The following RHOT1 variants were observed in gnomAD, a reference collection of about 807,000 sequenced individuals.
The protein encoded by RHOT1 is mitochondrial Rho GTPase 1.
A neutral mutation model predicts 95.3 loss-of-function variants in RHOT1; 27 were observed. The ratio of observed to expected loss-of-function variants is 0.28; its 90% CI spans 0.21 to 0.39. The LOEUF (loss-of-function observed/expected upper bound fraction) is 0.39, where lower values mean the gene tolerates loss of function less well. Among genes scored for constraint, RHOT1 ranks in the 10% least tolerant of loss-of-function variants. The probability of loss-of-function intolerance (pLI) is 1.00; values close to 1 mark genes in which losing one functional copy is unlikely to be tolerated. For synonymous variants in RHOT1, 227 were observed against 263.5 expected (o/e 0.86, Z 1.34); for missense variants, 578 against 786.7 (o/e 0.73, Z 3.17).
chr17:32,193,889 G>C, intron 10 of RHOT1, 98 bp from the exon 11 acceptor site: 1 of 1,404,386 alleles, frequency 7.1e-7, no homozygotes, highest in Non-Finnish European at 9.7e-7. Context: ...TGCAAAGCTA[G>C]CATCCGTATG....
chr17:32,207,012 T>C lies in RHOT1; in HGVS notation c.1519T>C (p.Cys507Arg). The C allele has an allele frequency of 6.2e-7, 1 of 1,610,422 alleles. No homozygotes were observed. ...CAGCAATCCCAAATCCTTTGAATAC[T>C]GTGCCAGGATTTTTAAGGTTTGTTG... The part of the protein sequence containing the change: ...DVSNPKSFEY[C>R]ARIFKQHFMD... Residue 507 changes from cysteine (C) to arginine (R), a missense_variant, in exon 17 of 20, where the codon TGT (cysteine) becomes CGT (arginine). This residue lies in a region of RHOT1 where 296 missense variants were observed against 338.5 expected (regional missense o/e 0.87). Coordinates refer to ENST00000545287, the MANE Select transcript of RHOT1 (RefSeq NM_001033566.3).
At chr17:32,178,559 G>A (rs900904685) in intron 6 of RHOT1, among the ~76,000 whole-genome samples, 2 of 152,088 alleles carry the variant, frequency 1.3e-5, no homozygotes, top group Admixed American at 6.6e-5. Flanking sequence ...CCTCCCAGCC[G>A]CCTGCCTTGG....
At chr17:32,192,416 CT>C in intron 9 of RHOT1, 117 bp downstream of exon 9, 1 of 635,304 alleles carries the variant, frequency 1.6e-6, no homozygotes, top group Non-Finnish European at 2.7e-6. Context: ...ACATAAGTTT[CT>C]TTCTCATAAA....
chr17:32,142,751 G>A (rs769433224), intron 1 of RHOT1, 22 bp downstream of exon 1: 1 of 1,498,060 alleles, frequency 6.7e-7, no homozygotes, highest in South Asian at 1.3e-5. Flanking sequence ...CCCTCTGGCC[G>A]GCCCCTGAGT....
At chr17:32,178,466 G>A (rs927315008) in intron 6 of RHOT1, among the ~76,000 whole-genome samples, 17 of 152,230 alleles carry the variant, frequency 1.1e-4, no homozygotes, top group African/African-American at 4.1e-4. Context: ...TGCTGGGATT[G>A]CAGACGGAGT....
chr17:32,158,573 C>T (rs1039268628), intron 1 of RHOT1, among the ~76,000 whole-genome samples: 1 of 152,092 alleles, frequency 6.6e-6, no homozygotes, highest in African/African-American at 2.4e-5. Context: ...GATTCTCCTG[C>T]CGCAGCCTCC....
chr17:32,147,725 C>T (rs1020326840), intron 1 of RHOT1, among the ~76,000 whole-genome samples: 8 of 151,414 alleles, frequency 5.3e-5, no homozygotes, highest in African/African-American at 1.9e-4. Context: ...GAGGCTGAGG[C>T]AGGAGAATCA....
At chr17:32,165,738 A>T (rs1319503861) in intron 1 of RHOT1, among the ~76,000 whole-genome samples, 1 of 152,172 alleles carries the variant, frequency 6.6e-6, no homozygotes, top group Non-Finnish European at 1.5e-5. Context: ...ATAATGACAA[A>T]CCATAAAATA....
intron 1 of RHOT1, among the ~76,000 whole-genome samples, chr17:32,146,925 T>A (rs916350745): frequency 7.5e-6 from 1 of 133,712 alleles, no homozygotes; most frequent in Admixed American, 7.8e-5. Flanking sequence ...TTTTTTTTTT[T>A]AGTAGAGAGG....
At chr17:32,203,765 A>G in intron 15 of RHOT1, 125 bp from the exon 16 acceptor site, 3 of 680,264 alleles carry the variant, frequency 4.4e-6, no homozygotes, top group Middle Eastern at 2.4e-4. Context: ...GTACTGATAA[A>G]TAGTACACAG....
At chr17:32,172,146 T>C (rs2034629305) in intron 2 of RHOT1, among the ~76,000 whole-genome samples, 1 of 152,222 alleles carries the variant, frequency 6.6e-6, no homozygotes, top group Non-Finnish European at 1.5e-5. Flanking sequence ...TATAATTTCA[T>C]TGTTCAAATA....
At chr17:32,178,907 C>T in intron 6 of RHOT1, 1 of 152,478 alleles carries the variant, frequency 6.6e-6, no homozygotes, top group Non-Finnish European at 1.4e-5. Flanking sequence ...AGTGCCTCTG[C>T]CCGGCCGCCA....
At chr17:32,189,560 C>G (rs2036313395) in intron 8 of RHOT1, among the ~76,000 whole-genome samples, 2 of 152,122 alleles carry the variant, frequency 1.3e-5, no homozygotes, top group Admixed American at 6.6e-5. Context: ...TCCCCACCCC[C>G]ATCCCACAAG....
At chr17:32,169,424 GTT>G (rs2034383152) in intron 1 of RHOT1, among the ~76,000 whole-genome samples, 1 of 152,262 alleles carries the variant, frequency 6.6e-6, no homozygotes, top group African/African-American at 2.4e-5. Flanking sequence ...AGATTTTAAA[GTT>G]TGTGTATAAA....
intron 5 of RHOT1, 63 bp from the exon 6 acceptor site, chr17:32,176,098 T>A: frequency 6.3e-7 from 1 of 1,586,430 alleles, no homozygotes; most frequent in Non-Finnish European, 8.6e-7. Flanking sequence ...TTTAGGGGTC[T>A]AAGGGAAGAG....
At chr17:32,213,306 C>G (rs966232687) in intron 19 of RHOT1, among the ~76,000 whole-genome samples, 1 of 152,168 alleles carries the variant, frequency 6.6e-6, no homozygotes, top group Non-Finnish European at 1.5e-5. Flanking sequence ...ATATATTTCT[C>G]TAAGCATTGT....
intron 1 of RHOT1, among the ~76,000 whole-genome samples, chr17:32,169,577 G>A (rs2034399897): frequency 6.6e-6 from 1 of 152,200 alleles, no homozygotes; most frequent in Non-Finnish European, 1.5e-5. Flanking sequence ...TTATGAGGAT[G>A]TAAATTGGTT....
At position 32,224,991 on chromosome 17, in the gene RHOT1, T is replaced by C. The variant is rs985730472; in HGVS notation, c.*258T>C. 2.0e-5 allele frequency: 5 copies of C among 246,212 alleles called. No homozygotes were observed. Among genetic ancestry groups the C allele is most frequent in the African/African-American group, 1.1e-4 (5 of 45,108 alleles). The allele number at this position is 246,212 out of a possible 1,614,324, so 15.3% of individuals were successfully genotyped here. A position where few individuals can be genotyped will look rare whatever the true frequency, so the allele number is the denominator to read the frequency against. On this transcript the variant is annotated 3_prime_UTR_variant, in exon 20 of 20. Transcript: ENST00000545287. Reference sequence around the variant, plus strand: ...GGAATATTTTGTAAATATATGTACATATTCAGGCAAGATATGGTCTCCCAA... The same window carrying C: ...GGAATATTTTGTAAATATATGTACACATTCAGGCAAGATATGGTCTCCCAA...
At chr17:32,202,144 T>C (rs116742958) in intron 14 of RHOT1, among the ~76,000 whole-genome samples, 4,976 of 152,272 alleles carry the variant, frequency 0.033, 269 homozygotes, top group African/African-American at 0.11. Flanking sequence ...TCTCTTGACC[T>C]TGTGATCTGC....
Sources: gnomAD v4.1 joint callset for allele counts (sites outside exome capture counted in the v4.1 genomes callset) on GRCh38, gnomAD v4.1.1 for gene constraint, gnomAD v4.1.1 regional missense constraint, MANE v1.5 for transcripts, NCBI Gene and HGNC (gene_info 2026-07-23, HGNC 2026-07-21) for gene names.